Variants in SETD2 observed in about 807,000 individuals in gnomAD.
The protein encoded by SETD2 is histone-lysine N-methyltransferase SETD2.
In SETD2, 31 loss-of-function variants were observed where a neutral mutation model predicts 242.1. The ratio of observed to expected loss-of-function variants is 0.13; its 90% CI spans 0.10 to 0.17. The LOEUF is 0.17. Among genes scored for constraint, SETD2 ranks in the 10% least tolerant of loss-of-function variants. The pLI is 1.00. For synonymous variants in SETD2, 1,006 were observed against 1,066.5 expected (o/e 0.94, Z 1.11); for missense variants, 2,481 against 3,046.3 (o/e 0.81, Z 4.37).
intron 9 of SETD2, among the ~76,000 whole-genome samples, chr3:47,092,332 G>A (rs2041838857): frequency 6.6e-6 from 1 of 151,948 alleles, no homozygotes. Flanking sequence ...GACAGAGGTG[G>A]GAAGACTGAG....
intron 9 of SETD2, among the ~76,000 whole-genome samples, chr3:47,097,313 T>C (rs1353048725): frequency 6.6e-6 from 1 of 152,198 alleles, no homozygotes; most frequent in Non-Finnish European, 1.5e-5. Flanking sequence ...TGAAAAACAG[T>C]GCTCTAGCAA....
chr3:47,090,293 G>C (rs1423381773), intron 9 of SETD2, among the ~76,000 whole-genome samples: 1 of 152,082 alleles, frequency 6.6e-6, no homozygotes, highest in African/African-American at 2.4e-5. Context: ...TGTTAGATTA[G>C]AAGATCTCAA....
intron 3 of SETD2, 110 bp downstream of exon 3, chr3:47,120,072 C>T (rs2043011606): frequency 2.2e-6 from 2 of 897,190 alleles, no homozygotes; most frequent in African/African-American, 1.7e-5. Context: ...TTTACTTTAT[C>T]CCACAACTCT....
intron 4 of SETD2, among the ~76,000 whole-genome samples, chr3:47,116,027 C>T (rs552096325): frequency 3.9e-5 from 6 of 152,204 alleles, no homozygotes; most frequent in South Asian, 4.2e-4. Flanking sequence ...GACTAATTAC[C>T]GGCTAACTAT....
At chr3:47,037,607 G>A (rs532277122) in intron 18 of SETD2, 59 bp downstream of exon 18, 131 of 1,238,692 alleles carry the variant, frequency 1.1e-4, no homozygotes, top group South Asian at 6.5e-4. Context: ...AAGACCATGC[G>A]GGATGGTCTT....
At chr3:47,042,927 T>C (rs370262733) in intron 16 of SETD2, among the ~76,000 whole-genome samples, 26 of 151,830 alleles carry the variant, frequency 1.7e-4, no homozygotes, top group African/African-American at 6.3e-4. Context: ...AGATACCATA[T>C]AGTTTATCAT....
At chr3:47,021,307 G>T (rs887627295) in intron 18 of SETD2, among the ~76,000 whole-genome samples, 2 of 152,122 alleles carry the variant, frequency 1.3e-5, no homozygotes, top group African/African-American at 4.8e-5. Context: ...TCAGGTCTGG[G>T]TATCTCAAAG....
chr3:47,025,504 A>C (rs999696706), intron 18 of SETD2, among the ~76,000 whole-genome samples: 7 of 152,200 alleles, frequency 4.6e-5, no homozygotes, highest in African/African-American at 1.7e-4. Flanking sequence ...ACATTACATT[A>C]ACCATACTAG....
In SETD2 at chr3:47,057,080, A is replaced by G; in HGVS notation, c.6704T>C (p.Val2235Ala). ...CTGGGCCACATACTGGGAACTGGAA[A>G]CTTCCACAGGAGCTGCCACATGTGG... ...VVPHVAAPVEVSSSQYVAQSD... is the reference protein window; with the variant it reads ...VVPHVAAPVEASSSQYVAQSD... Residue 2235 changes from valine (V) to alanine (A), a missense_variant, in exon 15 of 21, where the codon GTT becomes GCT. This residue lies in a region of SETD2 where 235 missense variants were observed against 293.9 expected (regional missense o/e 0.80). Transcript: ENST00000409792. 6.2e-7 allele frequency: 1 copy of G among 1,614,232 alleles called. No individual in the cohort carries two copies. Among genetic ancestry groups the G allele is most frequent in the Non-Finnish European group, 8.5e-7 (1 of 1,180,020 alleles).
At chr3:47,092,763 A>C (rs544468140) in intron 9 of SETD2, among the ~76,000 whole-genome samples, 1 of 152,068 alleles carries the variant, frequency 6.6e-6, no homozygotes, top group Non-Finnish European at 1.5e-5. Flanking sequence ...TATAAAAACA[A>C]TTAGTAAATA....
At chr3:47,129,002 C>T (rs541405380) in intron 1 of SETD2, among the ~76,000 whole-genome samples, 55 of 152,206 alleles carry the variant, frequency 3.6e-4, no homozygotes, top group Middle Eastern at 3.4e-3. Context: ...TCTTAAGCCT[C>T]AGCAGTTCTA....
At chr3:47,142,108 T>C (rs1235513344) in intron 1 of SETD2, among the ~76,000 whole-genome samples, 1 of 152,192 alleles carries the variant, frequency 6.6e-6, no homozygotes, top group Non-Finnish European at 1.5e-5. Context: ...GCTATCTGTG[T>C]GCTAGTAAAA....
intron 5 of SETD2, among the ~76,000 whole-genome samples, chr3:47,107,720 C>T (rs2042483297): frequency 7.7e-6 from 1 of 129,770 alleles, no homozygotes; most frequent in African/African-American, 2.8e-5. Context: ...CTTTGGGTGG[C>T]GGGGGGGGGT....
Position 47,083,909 on chromosome 3 carries a change from G to A in SETD2, c.5871C>T (p.Asp1957=), listed in dbSNP as rs934648887. Residue 1957 remains aspartate, a synonymous_variant, in exon 12 of 21, where the codon GAC becomes GAT. Transcript: ENST00000409792. ...TGCTCTCTTTGGGCTCTATTTCAGCGTCAGCTTCTGGTTCAGATGTAGGTA... is the reference window on the plus strand; with the variant it reads ...TGCTCTCTTTGGGCTCTATTTCAGCATCAGCTTCTGGTTCAGATGTAGGTA... ...SKLPTSEPEA[D]AEIEPKESNG... is the part of the protein sequence containing the mutation. 26 of 1,613,992 alleles carry A rather than the reference G, an allele frequency of 1.6e-5. No homozygotes were observed. Among genetic ancestry groups the A allele is most frequent in the Middle Eastern group, 1.6e-4 (1 of 6,084 alleles).
At chr3:47,111,569 CAAAAAAATAA>C (rs2042653664) in intron 5 of SETD2, among the ~76,000 whole-genome samples, 1 of 151,154 alleles carries the variant, frequency 6.6e-6, no homozygotes, top group South Asian at 2.1e-4. Context: ...GACCCTGTCT[CAAAAAAATAA>C]AAAACAATAA....
intron 2 of SETD2, among the ~76,000 whole-genome samples, chr3:47,124,839 T>G (rs556276905): frequency 3.9e-5 from 6 of 152,326 alleles, no homozygotes; most frequent in African/African-American, 1.4e-4. Flanking sequence ...ATAACTATTT[T>G]CCAGGTAGCA....
intron 5 of SETD2, among the ~76,000 whole-genome samples, chr3:47,107,687 T>TCC (rs967131617): frequency 7.6e-6 from 1 of 131,128 alleles, no homozygotes; most frequent in Non-Finnish European, 1.6e-5. Context: ...ATTAGTGCCC[T>TCC]CCCTCAAGAA....
intron 9 of SETD2, among the ~76,000 whole-genome samples, chr3:47,096,815 G>A: frequency 6.6e-6 from 1 of 152,094 alleles, no homozygotes; most frequent in East Asian, 1.9e-4. Context: ...GAAAGAAAGA[G>A]CTAAAGAACA....
intron 12 of SETD2, among the ~76,000 whole-genome samples, chr3:47,079,317 G>A (rs2041231689): frequency 6.6e-6 from 1 of 151,942 alleles, no homozygotes; most frequent in African/African-American, 2.4e-5. Flanking sequence ...CAGTCCTAAG[G>A]GAATAACAAT....
Sources: gnomAD v4.1 joint callset for allele counts (sites outside exome capture counted in the v4.1 genomes callset) on GRCh38, gnomAD v4.1.1 for gene constraint, gnomAD v4.1.1 regional missense constraint, MANE v1.5 for transcripts, NCBI Gene and HGNC (gene_info 2026-07-23, HGNC 2026-07-21) for gene names.